Variants in FAM168B observed in about 807,000 individuals in gnomAD.
FAM168B encodes family with sequence similarity 168 member B.
Under a neutral mutation model 21.8 loss-of-function variants are expected in FAM168B, and 19 were observed. The ratio of observed to expected loss-of-function variants is 0.87; its 90% CI spans 0.61 to 1.28. FAM168B has a LOEUF of 1.28. Ranked by LOEUF, FAM168B falls within the 50% of genes most tolerant of loss-of-function variation. FAM168B has a pLI of 0.00. For missense variants in FAM168B, 233 were observed against 263.1 expected (o/e 0.89, Z 0.79); for synonymous variants, 126 against 104.8 (o/e 1.20, Z -1.24).
chr2:131,051,292 T>C lies in FAM168B; in HGVS notation c.*1173A>G, dbSNP rs980476950. ...CCAGAAGCAGCTACAGGTTTCTACA[T>C]TTCCAGACATATCCACGGCCCTGCC... On this transcript the variant is annotated 3_prime_UTR_variant, in exon 7 of 7. Transcript: ENST00000389915. 6 of 985,244 alleles carry C rather than the reference T, an allele frequency of 6.1e-6. No individual in the cohort carries two copies. Among genetic ancestry groups the C allele is most frequent in the Non-Finnish European group, 7.2e-6 (6 of 829,920 alleles). 61.0% of individuals were successfully genotyped at this position (985,244 alleles called of 1,614,324 possible). A position where few individuals can be genotyped will look rare whatever the true frequency, so the allele number is the denominator to read the frequency against.
intron 1 of FAM168B, among the ~76,000 whole-genome samples, chr2:131,088,442 G>T (rs1292064641): frequency 1.3e-5 from 2 of 151,998 alleles, no homozygotes; most frequent in Non-Finnish European, 2.9e-5. Context: ...GAGGAGGAAG[G>T]CCAGATAATT....
chr2:131,091,783 G>C (rs1694044147), intron 1 of FAM168B, among the ~76,000 whole-genome samples: 1 of 151,940 alleles, frequency 6.6e-6, no homozygotes, highest in South Asian at 2.1e-4. Flanking sequence ...TAACAGACTG[G>C]ACACAAGGCA....
chr2:131,076,335 A>C (rs1693151938), intron 2 of FAM168B, among the ~76,000 whole-genome samples: 1 of 152,180 alleles, frequency 6.6e-6, no homozygotes, highest in Non-Finnish European at 1.5e-5. Context: ...TCAAGGCACC[A>C]GAGCGATCCC....
At chr2:131,086,138 T>C (rs976938957) in intron 1 of FAM168B, among the ~76,000 whole-genome samples, 2 of 152,200 alleles carry the variant, frequency 1.3e-5, no homozygotes, top group African/African-American at 4.8e-5. Flanking sequence ...TTTTAACCCA[T>C]GCTTGGCGGA....
chr2:131,075,686 CA>C (rs1180409716), intron 2 of FAM168B, among the ~76,000 whole-genome samples: 1 of 152,022 alleles, frequency 6.6e-6, no homozygotes, highest in African/African-American at 2.4e-5. Flanking sequence ...GACAGGGTTT[CA>C]CCATGTTAGC....
intron 3 of FAM168B, among the ~76,000 whole-genome samples, chr2:131,061,003 C>G (rs1344010056): frequency 1.3e-5 from 2 of 151,630 alleles, no homozygotes; most frequent in Non-Finnish European, 3.0e-5. Context: ...AGGCGCCCAC[C>G]ACCAAGCCTG....
At chr2:131,064,266 C>T (rs952188136) in intron 3 of FAM168B, among the ~76,000 whole-genome samples, 4 of 151,570 alleles carry the variant, frequency 2.6e-5, no homozygotes, top group East Asian at 1.9e-4. Flanking sequence ...GTGTACCACG[C>T]GGATTTTTTT....
Position 131,055,572 on chromosome 2 carries a change from T to TG in FAM168B, c.277dup (p.Gln93ProfsTer48). 1 of 1,604,604 alleles carries TG rather than the reference T, an allele frequency of 6.2e-7. No individual in the cohort carries two copies. Among genetic ancestry groups the TG allele is most frequent in the Non-Finnish European group, 8.5e-7 (1 of 1,175,262 alleles). On this transcript the variant is annotated frameshift_variant, in exon 4 of 7. Transcript: ENST00000389915. LOFTEE classifies it high-confidence loss of function. ...GCATACCTGTGCATACGGGCTCTGCTGGGGGTAGGCACTTCGCACAGGGTA... is the reference window on the plus strand; with the variant it reads ...GCATACCTGTGCATACGGGCTCTGCTGGGGGGTAGGCACTTCGCACAGGGTA...
chr2:131,072,847 T>G (rs746616665), intron 2 of FAM168B, among the ~76,000 whole-genome samples: 15 of 152,202 alleles, frequency 9.9e-5, no homozygotes, highest in Non-Finnish European at 1.9e-4. Context: ...TATCACACGC[T>G]AGGTCCTGTT....
chr2:131,061,365 T>C (rs1325640647), intron 3 of FAM168B, among the ~76,000 whole-genome samples: 1 of 149,336 alleles, frequency 6.7e-6, no homozygotes, highest in Non-Finnish European at 1.5e-5. Context: ...GACACACAAC[T>C]GAGAGCGTGT....
rs578081423 is a variant in FAM168B at position 131,047,985 on chromosome 2, G to A, written c.*4480C>T. ...AAATCTGAGCTCATCTCATCAGATT[G>A]CATAAAAAATTAAAATAGTATCAAT... On this transcript the variant is annotated 3_prime_UTR_variant, in exon 7 of 7. Coordinates refer to ENST00000389915, the MANE Select transcript of FAM168B (RefSeq NM_001009993.4). 8.6e-4 allele frequency: 235 copies of A among 271,994 alleles called. 5 individuals are homozygous for A. The South Asian group carries it at 9.6e-3, about 11-fold the overall frequency. 16.8% of individuals were successfully genotyped at this position (271,994 alleles called of 1,614,324 possible). A position where few individuals can be genotyped will look rare whatever the true frequency, so the allele number is the denominator to read the frequency against.
intron 2 of FAM168B, among the ~76,000 whole-genome samples, chr2:131,076,378 T>C (rs562928135): frequency 6.6e-6 from 1 of 152,064 alleles, no homozygotes; most frequent in Non-Finnish European, 1.5e-5. Flanking sequence ...ACTGATCACC[T>C]TGGCCGGGCG....
In FAM168B at chr2:131,051,739, C is replaced by T. The variant is rs1177213930; in HGVS notation, c.*726G>A. 1 of 985,396 alleles carries T rather than the reference C, an allele frequency of 1.0e-6. No individual in the cohort carries two copies. The highest frequency in any genetic ancestry group is 1.1e-4 in the East Asian group (1 of 8,810). 61.0% of individuals were successfully genotyped at this position (985,396 alleles called of 1,614,324 possible). A position where few individuals can be genotyped will look rare whatever the true frequency, so the allele number is the denominator to read the frequency against. ...CCCCAAATTTCACTGGCCACACTAC[C>T]ATAATCTTTCATGATGAGCTTTAAG... On this transcript the variant is annotated 3_prime_UTR_variant, in exon 7 of 7. Transcript: ENST00000389915.
intron 1 of FAM168B, among the ~76,000 whole-genome samples, chr2:131,087,429 G>A (rs1385912560): frequency 6.6e-6 from 1 of 152,062 alleles, no homozygotes; most frequent in African/African-American, 2.4e-5. Context: ...CTGAGATCGT[G>A]CCACTGCACT....
chr2:131,070,990 C>T (rs544578630), intron 3 of FAM168B, among the ~76,000 whole-genome samples: 4 of 152,244 alleles, frequency 2.6e-5, no homozygotes, highest in East Asian at 3.9e-4. Context: ...AAGTCAAGAA[C>T]GTTTTTCTCA....
chr2:131,059,579 A>G (rs937095802), intron 3 of FAM168B, among the ~76,000 whole-genome samples: 3 of 152,228 alleles, frequency 2.0e-5, no homozygotes, highest in Admixed American at 6.5e-5. Flanking sequence ...GACCAAGATG[A>G]TATTTTTTTT....
At chr2:131,083,936 G>A (rs578109432) in intron 1 of FAM168B, among the ~76,000 whole-genome samples, 8 of 151,620 alleles carry the variant, frequency 5.3e-5, no homozygotes, top group Admixed American at 1.3e-4. Context: ...ACGGAGTCTC[G>A]CTCTGTCGCT....
At chr2:131,069,139 G>A (rs185992841) in intron 3 of FAM168B, among the ~76,000 whole-genome samples, 72 of 152,302 alleles carry the variant, frequency 4.7e-4, no homozygotes, top group Admixed American at 1.6e-3. Context: ...GCACATTTTT[G>A]GCAAGAACAG....
intron 1 of FAM168B, among the ~76,000 whole-genome samples, chr2:131,089,185 C>T (rs1693878091): frequency 6.6e-6 from 1 of 151,836 alleles, no homozygotes; most frequent in Non-Finnish European, 1.5e-5. Flanking sequence ...AGGTTGGTCT[C>T]GAACTTCCGA....
Sources: allele counts gnomAD v4.1 joint callset (sites outside exome capture counted in the v4.1 genomes callset), GRCh38; gene constraint gnomAD v4.1.1; transcripts MANE v1.5; gene names NCBI Gene and HGNC (gene_info 2026-07-23, HGNC 2026-07-21).